ELP4: variants seen among roughly 807,000 people sequenced by gnomAD.
The protein encoded by ELP4 is elongator complex protein 4.
A neutral mutation model predicts 48.9 loss-of-function variants in ELP4; 51 were observed. The observed-to-expected ratio is 1.04, with a 90% confidence interval of 0.83 to 1.32. ELP4 has a LOEUF of 1.32. Among genes scored for constraint, ELP4 ranks in the 40% most tolerant of loss-of-function variants. ELP4 has a pLI of 0.00. For synonymous variants in ELP4, 210 were observed against 189.2 expected (o/e 1.11, Z -0.90); for missense variants, 519 against 514.6 (o/e 1.01, Z -0.08).
At chr11:31,567,354 T>C (rs1957129976) in intron 3 of ELP4, among the ~76,000 whole-genome samples, 1 of 152,252 alleles carries the variant, frequency 6.6e-6, no homozygotes, top group Admixed American at 6.5e-5. Context: ...TCAATAGTAG[T>C]ATCCTAAAAA....
intron 3 of ELP4, among the ~76,000 whole-genome samples, chr11:31,584,417 TTTA>T (rs1957439609): frequency 6.6e-6 from 1 of 152,046 alleles, no homozygotes; most frequent in Non-Finnish European, 1.5e-5. Context: ...TTAATATGAT[TTTA>T]TTGTGATTTA....
chr11:31,536,494 C>T (rs375232938), intron 2 of ELP4, among the ~76,000 whole-genome samples: 3 of 152,112 alleles, frequency 2.0e-5, no homozygotes, highest in South Asian at 2.1e-4. Flanking sequence ...TGGGATTATA[C>T]GCATGTGCAA....
intron 9 of ELP4, among the ~76,000 whole-genome samples, chr11:31,736,130 G>A (rs1001929110): frequency 2.7e-4 from 41 of 152,190 alleles, no homozygotes; most frequent in African/African-American, 8.9e-4. Context: ...AAACAGAGCT[G>A]TAGACCAATG....
At position 31,519,622 on chromosome 11, in the gene ELP4, C is replaced by T. The variant is rs139932550; in HGVS notation, c.224-434C>T. The stretch of plus-strand genomic sequence containing the variant: ...GGTGGATCACGTGAGGTCAGGAGTT[C>T]GAGACCAGCCTGACCAACATGGTAA... On this transcript the variant is annotated intron_variant, in intron 1 of 9. Coordinates refer to ENST00000640961, the MANE Select transcript of ELP4 (RefSeq NM_019040.5). Among the ~76,000 whole-genome samples the T allele has an allele frequency of 1.6e-3, 239 of 152,160 alleles. 4 individuals are homozygous for T. In the East Asian group the frequency reaches 0.019, roughly 12 times the overall value.
chr11:31,710,666 G>A (rs1946721238), intron 9 of ELP4, among the ~76,000 whole-genome samples: 1 of 150,822 alleles, frequency 6.6e-6, no homozygotes, highest in South Asian at 2.1e-4. Context: ...AACACAATAA[G>A]TAGACATGAA....
intron 9 of ELP4, chr11:31,651,981 A>G (rs1380437516): frequency 6.6e-6 from 1 of 151,712 alleles, no homozygotes; most frequent in Non-Finnish European, 1.5e-5. Context: ...TTTAGGTTCT[A>G]ATAGTAACTA....
At chr11:31,703,710 T>A (rs1294855696) in intron 9 of ELP4, among the ~76,000 whole-genome samples, 2 of 152,194 alleles carry the variant, frequency 1.3e-5, no homozygotes, top group Non-Finnish European at 2.9e-5. Flanking sequence ...CTATTGGTGA[T>A]CTTGTGGCAG....
chr11:31,603,897 G>T lies in ELP4; in HGVS notation c.643G>T (p.Val215Leu). 2 of 1,610,748 alleles carry T rather than the reference G, an allele frequency of 1.2e-6. No homozygotes were observed. The highest frequency in any genetic ancestry group is 1.7e-6 in the Non-Finnish European group (2 of 1,177,896). Residue 215 changes from valine (V) to leucine (L), a missense_variant, in exon 5 of 10, where the codon GTA (valine) becomes TTA (leucine). Coordinates refer to ENST00000640961, the MANE Select transcript of ELP4 (RefSeq NM_019040.5). ...LPEKISSTLKVEPCSLTPGYT... is the reference protein window; with the variant it reads ...LPEKISSTLKLEPCSLTPGYT... ...AGAGAAAATATCTTCAACTCTCAAAGTAGAACCCTGGTAAGTTAATGACCC... is the reference window on the plus strand; with the variant it reads ...AGAGAAAATATCTTCAACTCTCAAATTAGAACCCTGGTAAGTTAATGACCC...
intron 3 of ELP4, among the ~76,000 whole-genome samples, chr11:31,579,849 G>A (rs961418740): frequency 5.9e-5 from 9 of 151,614 alleles, no homozygotes; most frequent in Non-Finnish European, 1.0e-4. Context: ...ACGAGTTAGC[G>A]GGTCCAGCAC....
intron 9 of ELP4, among the ~76,000 whole-genome samples, chr11:31,695,833 C>A (rs4922877): frequency 1.4e-4 from 18 of 126,316 alleles, no homozygotes; most frequent in Non-Finnish European, 2.5e-4. Flanking sequence ...TGATTATTGC[C>A]TCAATTTCAG....
chr11:31,677,850 A>G (rs2134117284), intron 9 of ELP4, among the ~76,000 whole-genome samples: 1 of 152,182 alleles, frequency 6.6e-6, no homozygotes, highest in East Asian at 1.9e-4. Context: ...CAGAATTGAT[A>G]CATTATTATT....
intron 5 of ELP4, among the ~76,000 whole-genome samples, chr11:31,607,223 C>T (rs77102963): frequency 1.3e-5 from 2 of 152,026 alleles, no homozygotes; most frequent in African/African-American, 4.8e-5. Context: ...CCTGTTTAAG[C>T]CCCCCAATCT....
At chr11:31,741,200 C>G (rs1283652649) in intron 9 of ELP4, among the ~76,000 whole-genome samples, 3 of 152,278 alleles carry the variant, frequency 2.0e-5, no homozygotes, top group East Asian at 1.9e-4. Context: ...GGAGGGGCGC[C>G]CGCCATAGCC....
chr11:31,638,803 C>T (rs1315680856), intron 7 of ELP4, among the ~76,000 whole-genome samples: 8 of 151,696 alleles, frequency 5.3e-5, no homozygotes, highest in East Asian at 1.9e-4. Flanking sequence ...AGCAATGGAC[C>T]GCTTTAGAAC....
intron 9 of ELP4, among the ~76,000 whole-genome samples, chr11:31,771,823 C>CA (rs1173564734): frequency 1.3e-5 from 2 of 152,226 alleles, no homozygotes; most frequent in South Asian, 2.1e-4. Flanking sequence ...ACTAAAGATA[C>CA]AAAAATTTAG....
chr11:31,748,601 A>G (rs1362242684), intron 9 of ELP4, among the ~76,000 whole-genome samples: 2 of 152,180 alleles, frequency 1.3e-5, no homozygotes, highest in Non-Finnish European at 2.9e-5. Flanking sequence ...ACTAAACACT[A>G]AACTATGACT....
chr11:31,740,302 T>C (rs1189016334), intron 9 of ELP4, among the ~76,000 whole-genome samples: 2 of 152,236 alleles, frequency 1.3e-5, no homozygotes, highest in African/African-American at 4.8e-5. Flanking sequence ...GGATAGATTT[T>C]GTTTGGCATG....
chr11:31,755,747 A>G (rs1416751141), intron 9 of ELP4, among the ~76,000 whole-genome samples: 1 of 151,802 alleles, frequency 6.6e-6, no homozygotes, highest in Non-Finnish European at 1.5e-5. Context: ...AAAAAAAAAA[A>G]AGAATATTAG....
intron 9 of ELP4, among the ~76,000 whole-genome samples, chr11:31,736,644 A>G (rs1947324605): frequency 6.6e-6 from 1 of 152,158 alleles, no homozygotes. Context: ...AAAATAAACA[A>G]CCTCATCAAA....
Sources: allele counts gnomAD v4.1 joint callset (sites outside exome capture counted in the v4.1 genomes callset), GRCh38; gene constraint gnomAD v4.1.1; transcripts MANE v1.5; gene names NCBI Gene and HGNC (gene_info 2026-07-23, HGNC 2026-07-21).